Variants in FAM163A observed in about 807,000 individuals in gnomAD.
FAM163A encodes the protein protein FAM163A.
A neutral mutation model predicts 12.0 loss-of-function variants in FAM163A; 7 were observed. The observed-to-expected ratio is 0.58, with a 90% confidence interval of 0.33 to 1.10. The LOEUF (loss-of-function observed/expected upper bound fraction) is 1.10. FAM163A is among the 50% of genes least tolerant of loss of function. The probability of loss-of-function intolerance (pLI) is 0.03; values close to 1 mark genes in which losing one functional copy is unlikely to be tolerated. For missense variants in FAM163A, 202 were observed against 218.6 expected (o/e 0.92, Z 0.48); for synonymous variants, 101 against 91.0 (o/e 1.11, Z -0.62).
Position 179,784,575 on chromosome 1 carries a change from T to C in FAM163A, c.-135-23223T>C, listed in dbSNP as rs1260819667. 2.0e-5 allele frequency among the ~76,000 whole-genome samples: 3 copies of C among 152,302 alleles called. No homozygotes were observed. The East Asian group carries it at 5.8e-4, about 29-fold the overall frequency. On this transcript the variant is annotated intron_variant, in intron 1 of 4. Transcript: ENST00000341785. ...TCCTGCTTGGTCCAGCATTGCCCTATATACATACACAACAGACCCAGAGAA... is the reference window on the plus strand; with the variant it reads ...TCCTGCTTGGTCCAGCATTGCCCTACATACATACACAACAGACCCAGAGAA...
At chr1:179,791,181 C>G (rs1691440081) in intron 1 of FAM163A, among the ~76,000 whole-genome samples, 1 of 152,088 alleles carries the variant, frequency 6.6e-6, no homozygotes, top group Non-Finnish European at 1.5e-5. Flanking sequence ...AGGAAAGGCC[C>G]AAGGAACCTA....
chr1:179,791,581 G>C (rs1691511735), intron 1 of FAM163A, among the ~76,000 whole-genome samples: 1 of 152,248 alleles, frequency 6.6e-6, no homozygotes, highest in Non-Finnish European at 1.5e-5. Context: ...TGGCAACTAA[G>C]CCAGCTCTTC....
At position 179,785,419 on chromosome 1, in the gene FAM163A, G is replaced by A. The variant is rs906263069; in HGVS notation, c.-135-22379G>A. On this transcript the variant is annotated intron_variant, in intron 1 of 4. Transcript: ENST00000341785. ...GATAAAATGAGAGAACATGAAGACG[G>A]AGATCAAAAAGGCATTCCCTGGGTT... 4.6e-5 allele frequency among the ~76,000 whole-genome samples: 7 copies of A among 152,254 alleles called. No homozygotes were observed. The East Asian group carries it at 1.3e-3, about 29-fold the overall frequency.
intron 2 of FAM163A, among the ~76,000 whole-genome samples, chr1:179,810,066 TTTA>T (rs1279580038): frequency 3.3e-5 from 5 of 152,080 alleles, no homozygotes; most frequent in Non-Finnish European, 7.4e-5. Context: ...ACAGTGAGCT[TTTA>T]TTAAGTACCC....
intron 1 of FAM163A, among the ~76,000 whole-genome samples, chr1:179,764,035 T>C (rs77766781): frequency 0.038 from 5,860 of 152,260 alleles, 213 homozygotes; most frequent in African/African-American, 0.098. Flanking sequence ...ATGCTCTTTG[T>C]ATTTTATTTG....
intron 1 of FAM163A, among the ~76,000 whole-genome samples, chr1:179,804,248 G>A (rs1693605809): frequency 6.6e-6 from 1 of 152,098 alleles, no homozygotes; most frequent in South Asian, 2.1e-4. Flanking sequence ...TTTAATACAT[G>A]GCTCAGGTAA....
intron 1 of FAM163A, among the ~76,000 whole-genome samples, chr1:179,765,585 G>C (rs1687374802): frequency 6.6e-6 from 1 of 152,196 alleles, no homozygotes; most frequent in Non-Finnish European, 1.5e-5. Flanking sequence ...AAGCCATCGG[G>C]GCATGAAAGG....
At position 179,814,410 on chromosome 1, in the gene FAM163A, G is replaced by C. The variant is rs1263621526; in HGVS notation, c.*221G>C. On this transcript the variant is annotated 3_prime_UTR_variant, in exon 5 of 5. Transcript: ENST00000341785. ...GTGGGCCAGAGGTGGGGGACTGCTA[G>C]GTCGAGTCTGCAGCTTCGCCAGTTT... The C allele has an allele frequency of 1.5e-5, 9 of 589,224 alleles. No homozygotes were observed. Among genetic ancestry groups the C allele is most frequent in the Non-Finnish European group, 2.3e-5 (8 of 352,578 alleles). The allele number at this position is 589,224 out of a possible 1,614,324, so 36.5% of individuals were successfully genotyped here.
intron 1 of FAM163A, among the ~76,000 whole-genome samples, chr1:179,782,022 T>C (rs1196634265): frequency 6.6e-6 from 1 of 151,416 alleles, no homozygotes; most frequent in Non-Finnish European, 1.5e-5. Context: ...TTGTTTATGC[T>C]ATCAGGGCCG....
rs1339873378 is a variant in FAM163A, at chr1:179,815,103, GCGCGCGCACAGACACACACACACA to G, written c.*916_*939del. On this transcript the variant is annotated 3_prime_UTR_variant, in exon 5 of 5. Coordinates refer to ENST00000341785, the MANE Select transcript of FAM163A (RefSeq NM_173509.3). ...CGTTCCCAGGTGTACGCACGCGCGCGCGCGCGCACAGACACACACACACACACACACACACACACACACACACAG... is the reference window on the plus strand; with the variant it reads ...CGTTCCCAGGTGTACGCACGCGCGCGCACACACACACACACACACACACAG... 6.8e-5 allele frequency: 8 copies of G among 117,546 alleles called. No homozygotes were observed. In the East Asian group the frequency reaches 8.8e-4, roughly 13 times the overall value. 7.3% of individuals were successfully genotyped at this position (117,546 alleles called of 1,614,324 possible). A position where few individuals can be genotyped will look rare whatever the true frequency, so the allele number is the denominator to read the frequency against.
the FAM163A span, among the ~76,000 whole-genome samples, chr1:179,732,583 T>A: frequency 6.6e-6 from 1 of 152,062 alleles, no homozygotes; most frequent in African/African-American, 2.4e-5. Context: ...GCTGTGCTGG[T>A]TATAAATGAT....
chr1:179,811,205 C>A (rs1403006948), intron 2 of FAM163A, among the ~76,000 whole-genome samples: 3 of 152,132 alleles, frequency 2.0e-5, no homozygotes, highest in Admixed American at 6.5e-5. Flanking sequence ...TAAATGTATC[C>A]TGCAGGCAAT....
At chr1:179,766,251 A>G (rs1014025490) in intron 1 of FAM163A, among the ~76,000 whole-genome samples, 5 of 152,130 alleles carry the variant, frequency 3.3e-5, no homozygotes, top group South Asian at 2.1e-4. Context: ...TAAAAATATT[A>G]ACCTAACTTG....
chr1:179,760,877 C>T (rs1227557005), intron 1 of FAM163A, among the ~76,000 whole-genome samples: 1 of 152,216 alleles, frequency 6.6e-6, no homozygotes, highest in African/African-American at 2.4e-5. Context: ...GTGGAATGTC[C>T]TCTTCCCACC....
chr1:179,755,921 A>T (rs2318389), intron 1 of FAM163A, among the ~76,000 whole-genome samples: 36,166 of 152,020 alleles, frequency 0.24, 4,962 homozygotes, highest in East Asian at 0.63. Context: ...AGTCTTGCTG[A>T]CACTGAGGAT....
chr1:179,789,762 CA>C (rs1238969123), intron 1 of FAM163A, among the ~76,000 whole-genome samples: 2 of 152,074 alleles, frequency 1.3e-5, no homozygotes, highest in Non-Finnish European at 2.9e-5. Context: ...CACAGGCACT[CA>C]AAGGCAATTA....
chr1:179,789,308 A>G (rs545179726), intron 1 of FAM163A, among the ~76,000 whole-genome samples: 180 of 152,174 alleles, frequency 1.2e-3, no homozygotes, highest in South Asian at 2.1e-3. Context: ...CAGCCTCCCA[A>G]GTATCTGGGA....
At chr1:179,763,764 G>A (rs552657743) in intron 1 of FAM163A, among the ~76,000 whole-genome samples, 1 of 152,282 alleles carries the variant, frequency 6.6e-6, no homozygotes, top group Admixed American at 6.5e-5. Context: ...GAAACTGAAG[G>A]CCAGACCTCC....
At chr1:179,731,997 CATA>C in the FAM163A span, among the ~76,000 whole-genome samples, 1 of 152,188 alleles carries the variant, frequency 6.6e-6, no homozygotes, top group Non-Finnish European at 1.5e-5. Flanking sequence ...TCCCAGGTCT[CATA>C]AACCCACAGA....
Sources: allele counts gnomAD v4.1 joint callset (sites outside exome capture counted in the v4.1 genomes callset), GRCh38; gene constraint gnomAD v4.1.1; transcripts MANE v1.5; gene names NCBI Gene and HGNC (gene_info 2026-07-23, HGNC 2026-07-21).